The following ZDHHC15 variants were observed in gnomAD, a reference collection of about 807,000 sequenced individuals.
The protein encoded by ZDHHC15 is zDHHC palmitoyltransferase 15, also known as palmitoyltransferase ZDHHC15.
Under a neutral mutation model 31.7 loss-of-function variants are expected in ZDHHC15, and 19 were observed. The observed-to-expected ratio is 0.60, with a 90% CI of 0.42 to 0.88. The LOEUF is 0.88. Ranked by LOEUF, ZDHHC15 falls within the 40% of genes least tolerant of loss-of-function variation. The pLI, the probability that ZDHHC15 is intolerant of heterozygous loss-of-function variation, is 0.00. For synonymous variants in ZDHHC15, 103 were observed against 90.0 expected (o/e 1.14, Z -0.82); for missense variants, 209 against 251.2 (o/e 0.83, Z 1.14).
At position 75,404,125 on chromosome X, in the gene ZDHHC15, G is replaced by A. The variant is rs1602570912; in HGVS notation, c.967+12962C>T. On this transcript the variant is annotated intron_variant, in intron 10 of 11. Transcript: ENST00000373367. ...AAAGCTGACAAAAATAAACAATGGG[G>A]AAAAGACTCCCTATTCAATAAATGG... 3.6e-5 allele frequency among the ~76,000 whole-genome samples: 4 copies of A among 111,656 alleles called. No individual in the cohort carries two copies. The Admixed American group carries it at 3.8e-4, about 11-fold the overall frequency.
intron 2 of ZDHHC15, among the ~76,000 whole-genome samples, chrX:75,489,831 TA>T (rs1255300550): frequency 1.8e-5 from 2 of 111,516 alleles, no homozygotes; most frequent in African/African-American, 6.5e-5. Flanking sequence ...GCAAAGAAGT[TA>T]AAAACCTTGA....
intron 11 of ZDHHC15, among the ~76,000 whole-genome samples, chrX:75,377,081 T>A (rs1373409687): frequency 8.9e-6 from 1 of 111,756 alleles, no homozygotes; most frequent in Non-Finnish European, 1.9e-5. Context: ...TTGTTTTCAG[T>A]TTGGAGCTTT....
chrX:75,489,270 T>A (rs1329489024), intron 2 of ZDHHC15, among the ~76,000 whole-genome samples: 1 of 111,905 alleles, frequency 8.9e-6, no homozygotes, highest in African/African-American at 3.2e-5. Context: ...CAGATGGAGA[T>A]CTGAGAACGG....
chrX:75,432,984 T>C (rs184559702), intron 4 of ZDHHC15, among the ~76,000 whole-genome samples: 53 of 109,052 alleles, frequency 4.9e-4, no homozygotes, highest in African/African-American at 1.8e-3. Flanking sequence ...ATCCTGTTTC[T>C]AAAAATAAAA....
chrX:75,458,589 G>A (rs886568106), intron 3 of ZDHHC15, among the ~76,000 whole-genome samples: 4 of 111,153 alleles, frequency 3.6e-5, no homozygotes, highest in African/African-American at 1.3e-4. Flanking sequence ...CTAGTGGTGC[G>A]TTTTTATGGT....
At chrX:75,477,297 T>C (rs1201408326) in intron 3 of ZDHHC15, among the ~76,000 whole-genome samples, 1 of 111,631 alleles carries the variant, frequency 9.0e-6, no homozygotes, top group Non-Finnish European at 1.9e-5. Flanking sequence ...TACTGGAAAA[T>C]GTTCTGCGTA....
At chrX:75,452,682 C>G (rs575163709) in intron 3 of ZDHHC15, among the ~76,000 whole-genome samples, 6 of 112,169 alleles carry the variant, frequency 5.3e-5, no homozygotes, top group African/African-American at 1.9e-4. Flanking sequence ...TCATAACAAA[C>G]TGTCTCTCTG....
At chrX:75,374,717 G>C (rs1237372936) in intron 11 of ZDHHC15, among the ~76,000 whole-genome samples, 2 of 97,043 alleles carry the variant, frequency 2.1e-5, no homozygotes, top group Non-Finnish European at 4.0e-5. Flanking sequence ...TATATATCCA[G>C]TGGAATACTA....
intron 10 of ZDHHC15, among the ~76,000 whole-genome samples, chrX:75,409,795 TAAAA>T (rs1189768393): frequency 5.6e-5 from 2 of 35,522 alleles, no homozygotes; most frequent in African/African-American, 3.1e-4. Flanking sequence ...ACCCCATCTC[TAAAA>T]AAAAAAAAAA....
intron 2 of ZDHHC15, among the ~76,000 whole-genome samples, chrX:75,486,116 C>T (rs1278097223): frequency 8.9e-6 from 1 of 112,411 alleles, no homozygotes; most frequent in Non-Finnish European, 1.9e-5. Flanking sequence ...AACTGAGTTC[C>T]CAAAGTATGA....
In ZDHHC15 at chrX:75,421,941, G is replaced by T. The variant is rs1175787907; in HGVS notation, c.786C>A (p.Phe262Leu). ...VFTSGPEKNG[F>L]NLGFIKNIQQ... ...GGATATTCTTGATGAAGCCAAGGTT[G>T]AACCCATTTTTCTCTGGGCCACTTG... Residue 262 changes from phenylalanine (F) to leucine (L), a missense_variant, in exon 9 of 12, where the codon TTC becomes TTA. Phe to Leu is a conservative substitution (Grantham distance 22). Coordinates refer to ENST00000373367, the MANE Select transcript of ZDHHC15 (RefSeq NM_144969.3). 1 of 1,208,340 alleles carries T rather than the reference G, an allele frequency of 8.3e-7. No individual in the cohort carries two copies. Among genetic ancestry groups the T allele is most frequent in the African/African-American group, 1.8e-5 (1 of 57,032 alleles).
intron 10 of ZDHHC15, among the ~76,000 whole-genome samples, chrX:75,405,867 C>T (rs764980551): frequency 8.9e-6 from 1 of 112,405 alleles, no homozygotes; most frequent in Non-Finnish European, 1.9e-5. Flanking sequence ...AATATACATT[C>T]TTTTCTTCAG....
chrX:75,488,217 A>G (rs1432098363), intron 2 of ZDHHC15, among the ~76,000 whole-genome samples: 1 of 111,789 alleles, frequency 8.9e-6, no homozygotes, highest in Admixed American at 9.6e-5. Context: ...GCATACAGTT[A>G]TCAGGTTACC....
At chrX:75,446,324 G>T (rs1314648770) in intron 4 of ZDHHC15, among the ~76,000 whole-genome samples, 1 of 111,200 alleles carries the variant, frequency 9.0e-6, no homozygotes, top group African/African-American at 3.3e-5. Flanking sequence ...GGAAATGCTG[G>T]ACCTGCCTTG....
intron 2 of ZDHHC15, among the ~76,000 whole-genome samples, chrX:75,484,729 G>A (rs1482285019): frequency 9.0e-6 from 1 of 111,574 alleles, no homozygotes; most frequent in Non-Finnish European, 1.9e-5. Context: ...TTACTCAAGA[G>A]AAACAAAAAC....
intron 10 of ZDHHC15, among the ~76,000 whole-genome samples, chrX:75,401,172 G>T (rs186989320): frequency 0.034 from 3,705 of 109,109 alleles, 65 homozygotes; most frequent in Middle Eastern, 0.09. Flanking sequence ...TTACAAATTG[G>T]AGCACGGACA....
chrX:75,428,188 C>T (rs981971654), intron 7 of ZDHHC15, among the ~76,000 whole-genome samples: 1 of 111,067 alleles, frequency 9.0e-6, no homozygotes, highest in Non-Finnish European at 1.9e-5. Context: ...GTTTGGACAG[C>T]CTTCATCATG....
chrX:75,436,912 C>T (rs1033753165), intron 4 of ZDHHC15, among the ~76,000 whole-genome samples: 4 of 112,266 alleles, frequency 3.6e-5, no homozygotes, highest in African/African-American at 1.3e-4. Flanking sequence ...GACGGAGTCT[C>T]GCTCTGTCGC....
intron 1 of ZDHHC15, among the ~76,000 whole-genome samples, chrX:75,516,593 G>T (rs1159734914): frequency 1.2e-4 from 13 of 112,086 alleles, no homozygotes; most frequent in African/African-American, 4.2e-4. Flanking sequence ...ATTCAAGATG[G>T]ATTAAAGACT....
Sources: allele counts gnomAD v4.1 joint callset (sites outside exome capture counted in the v4.1 genomes callset), GRCh38; gene constraint gnomAD v4.1.1; transcripts MANE v1.5; gene names NCBI Gene and HGNC (gene_info 2026-07-23, HGNC 2026-07-21).